Variants in NLRP2 observed in about 807,000 individuals in gnomAD.
NLRP2 encodes NACHT, LRR and PYD domains-containing protein 2.
NLRP2 carries 107 observed loss-of-function variants against 97.2 expected under a neutral mutation model. The observed-to-expected ratio is 1.10, with a 90% CI of 0.94 to 1.29. NLRP2 has a LOEUF of 1.29. NLRP2 is among the 50% of genes most tolerant of loss of function. The pLI is 0.00. For missense variants in NLRP2, 1,495 were observed against 1,330.3 expected (o/e 1.12, Z -1.93); for synonymous variants, 663 against 551.5 (o/e 1.20, Z -2.83).
At chr19:54,991,380 G>A (rs959207148) in intron 10 of NLRP2, 2 of 152,132 alleles carry the variant, frequency 1.3e-5, no homozygotes, top group Non-Finnish European at 2.9e-5. Context: ...GTGAAACATT[G>A]TCTCTCTACT....
chr19:54,997,801 C>T (rs1207132495), intron 12 of NLRP2, among the ~76,000 whole-genome samples: 1 of 151,246 alleles, frequency 6.6e-6, no homozygotes, highest in South Asian at 2.1e-4. Context: ...CTATGTTCCC[C>T]AGGCTGGAGT....
chr19:54,990,309 A>G, intron 9 of NLRP2, 117 bp downstream of exon 9: 1 of 1,214,614 alleles, frequency 8.2e-7, no homozygotes, highest in Non-Finnish European at 1.2e-6. Context: ...ACCTGTTCCC[A>G]TGTTTAGATC....
Position 54,983,540 on chromosome 19 carries a change from G to C in NLRP2, c.1842G>C (p.Glu614Asp). The part of the protein sequence containing the change: ...ELLGCLYESQ[E>D]EELVKEVMAQ... ...TCGGCTGTCTGTACGAGTCTCAGGA[G>C]GAGGAGCTGGTGAAGGAGGTGATGG... The change falls in exon 6 of 13, where the codon GAG becomes GAC. Residue 614 changes from glutamate to aspartate, a missense_variant. Physicochemically the swap from Glu to Asp is conservative, Grantham distance 45 (BLOSUM62 2). Transcript: ENST00000448584. 1 of 1,614,202 alleles carries C rather than the reference G, an allele frequency of 6.2e-7. No individual in the cohort carries two copies. Among genetic ancestry groups the C allele is most frequent in the Non-Finnish European group, 8.5e-7 (1 of 1,180,034 alleles).
At chr19:54,977,633 C>T (rs868537526) in intron 3 of NLRP2, 119 bp from the exon 4 acceptor site, 27 of 920,836 alleles carry the variant, frequency 2.9e-5, no homozygotes, top group Non-Finnish European at 3.9e-5. Context: ...ACCTTATCAA[C>T]GTCCTTTTTA....
Position 54,982,199 on chromosome 19 carries a change from G to C in NLRP2, c.501G>C (p.Lys167Asn), listed in dbSNP as rs1218667873. ...DNRCRYILKT[K>N]FREMWKSWPG... ...GGTGCAGGTATATATTGAAGACGAA[G>C]TTCCGGGAGATGTGGAAGAGCTGGC... The change falls in exon 6 of 13, where the codon AAG (lysine) becomes AAC (asparagine). Residue 167 changes from lysine to asparagine, a missense_variant. Lys to Asn is a moderately conservative substitution (Grantham distance 94). Transcript: ENST00000448584. The C allele has an allele frequency of 6.2e-6, 10 of 1,614,098 alleles. No homozygotes were observed. The highest frequency in any genetic ancestry group is 8.5e-6 in the Non-Finnish European group (10 of 1,180,024).
chr19:54,990,699 C>A, intron 10 of NLRP2, 27 bp downstream of exon 10: 1 of 1,613,494 alleles, frequency 6.2e-7, no homozygotes. Context: ...TGCCTGTGTG[C>A]GTGGGTGTAT....
intron 11 of NLRP2, 54 bp from the exon 12 acceptor site, chr19:54,997,246 TGGGCTTGGCTTGCCGGA>T: frequency 6.7e-7 from 1 of 1,502,672 alleles, no homozygotes; most frequent in Non-Finnish European, 9.3e-7. Flanking sequence ...CACACGAGGG[TGGGCTTGGCTTGCCGGA>T]GGGCATCGAT....
intron 3 of NLRP2, among the ~76,000 whole-genome samples, chr19:54,976,236 GT>G (rs1206618211): frequency 6.6e-6 from 1 of 151,692 alleles, no homozygotes; most frequent in East Asian, 1.9e-4. Context: ...TGTAATTTTA[GT>G]AGAGATGGGG....
intron 3 of NLRP2, among the ~76,000 whole-genome samples, chr19:54,975,126 T>TTTTTTTTTTTG (rs2071132692): frequency 9.1e-6 from 1 of 110,452 alleles, no homozygotes; most frequent in Non-Finnish European, 1.8e-5. Context: ...TTTTTTTTTT[T>TTTTTTTTTTTG]TTTTTTTTTT....
chr19:54,983,771 C>T, intron 6 of NLRP2, 43 bp downstream of exon 6: 1 of 1,600,820 alleles, frequency 6.2e-7, no homozygotes, highest in Non-Finnish European at 8.5e-7. Flanking sequence ...TCTTTAGCCT[C>T]ATCCCATGCC....
chr19:54,994,510 A>C, intron 11 of NLRP2, 71 bp downstream of exon 11: 1 of 1,525,774 alleles, frequency 6.6e-7, no homozygotes, highest in Admixed American at 1.7e-5. Context: ...TAAAATAATC[A>C]GTGAAGCCGA....
chr19:54,975,126 T>TTTTTTTTTTTTG (rs1568475062), intron 3 of NLRP2, among the ~76,000 whole-genome samples: 7 of 110,516 alleles, frequency 6.3e-5, no homozygotes, highest in Non-Finnish European at 7.2e-5. Flanking sequence ...TTTTTTTTTT[T>TTTTTTTTTTTTG]TTTTTTTTTT....
chr19:54,997,184 C>T (rs547354449), intron 11 of NLRP2, 133 bp from the exon 12 acceptor site: 5 of 892,644 alleles, frequency 5.6e-6, no homozygotes, highest in African/African-American at 4.9e-5. Context: ...GGATTACAGG[C>T]GTGAACCACC....
At chr19:54,981,403 G>T (rs1203963473) in intron 4 of NLRP2, among the ~76,000 whole-genome samples, 1 of 151,926 alleles carries the variant, frequency 6.6e-6, no homozygotes, top group Non-Finnish European at 1.5e-5. Flanking sequence ...CTGAGCTCAA[G>T]TGATCCACCC....
intron 12 of NLRP2, among the ~76,000 whole-genome samples, chr19:54,997,709 C>T (rs746481930): frequency 1.1e-4 from 16 of 151,934 alleles, no homozygotes; most frequent in African/African-American, 2.7e-4. Flanking sequence ...CCCGCCTCGG[C>T]CTCCCAAAGT....
intron 4 of NLRP2, among the ~76,000 whole-genome samples, chr19:54,980,045 G>A (rs1450281969): frequency 6.6e-6 from 1 of 152,098 alleles, no homozygotes; most frequent in African/African-American, 2.4e-5. Context: ...AAAGTGCTGG[G>A]ATGACAGGCG....
At position 54,980,326 on chromosome 19, in the gene NLRP2, G is replaced by C. The variant is rs908961697; in HGVS notation, c.398-1291G>C. ...CCATTCTGCCTCAGCCTCCCCAGTA[G>C]CTGGGACTACAGGCGCCCGCCACAC... is the stretch of plus-strand genomic sequence containing the variant. On this transcript the variant is annotated intron_variant, in intron 4 of 12. Coordinates refer to ENST00000448584, the MANE Select transcript of NLRP2 (RefSeq NM_017852.5). Among the ~76,000 whole-genome samples, 3 of 151,856 alleles carry C rather than the reference G, an allele frequency of 2.0e-5. No homozygotes were observed. In the South Asian group the frequency reaches 6.2e-4, roughly 32 times the overall value.
chr19:54,986,262 T>C lies in NLRP2; in HGVS notation c.2313T>C (p.Phe771=), dbSNP rs199986540. ...AAGGCAATGACCAGGATGATATGTT[T>C]CCCGCATTGTGTGAGGTCTTGAGAC... ...TLQGNDQDDM[F]PALCEVLRHP... Residue 771 remains phenylalanine, a synonymous_variant, in exon 8 of 13, where the codon TTT becomes TTC. Transcript: ENST00000448584. 11 of 1,614,158 alleles carry C rather than the reference T, an allele frequency of 6.8e-6. No homozygotes were observed. The East Asian group carries it at 2.2e-4, about 33-fold the overall frequency.
At chr19:54,974,675 G>C (rs1003565243) in intron 3 of NLRP2, 131 bp downstream of exon 3, 5 of 738,614 alleles carry the variant, frequency 6.8e-6, no homozygotes, top group African/African-American at 1.8e-5. Flanking sequence ...CTCCCAGGGC[G>C]GAGCTGGTCT....
Sources: allele counts gnomAD v4.1 joint callset (sites outside exome capture counted in the v4.1 genomes callset), GRCh38; gene constraint gnomAD v4.1.1; transcripts MANE v1.5; gene names NCBI Gene and HGNC (gene_info 2026-07-23, HGNC 2026-07-21).